The following RGS7 variants were observed in gnomAD, a reference collection of about 807,000 sequenced individuals.
RGS7 encodes regulator of G-protein signaling 7.
Under a neutral mutation model 81.1 loss-of-function variants are expected in RGS7, and 27 were observed. The ratio of observed to expected loss-of-function variants is 0.33; its 90% CI spans 0.25 to 0.46. RGS7 has a LOEUF of 0.46. Among genes scored for constraint, RGS7 ranks in the 20% least tolerant of loss-of-function variants. The probability of loss-of-function intolerance (pLI) is 1.00; values close to 1 mark genes in which losing one functional copy is unlikely to be tolerated. For missense variants in RGS7, 396 were observed against 607.4 expected, an observed-to-expected ratio of 0.65 and a Z score of 3.66; for synonymous variants, 208 against 207.7, an observed-to-expected ratio of 1.00 and a Z score of -0.01.
chr1:240,937,333 C>T lies in RGS7; in HGVS notation c.227-627G>A, dbSNP rs527288492. ...CTGAGAAATCCTTTGTTTGAGTGCT[C>T]GTTTTCCTTGCGACTCCCAGCTCTT... On this transcript the variant is annotated intron_variant, in intron 4 of 18. Transcript: ENST00000440928. Among the ~76,000 whole-genome samples, 177 of 152,290 alleles carry T rather than the reference C, an allele frequency of 1.2e-3. 1 individual carries two copies. The highest frequency in any genetic ancestry group is 4.1e-3 in the African/African-American group (171 of 41,572).
chr1:241,162,970 T>C (rs1373385474), intron 2 of RGS7, among the ~76,000 whole-genome samples: 4 of 152,280 alleles, frequency 2.6e-5, no homozygotes, highest in African/African-American at 7.2e-5. Flanking sequence ...AGTTGGCACA[T>C]TGGAAATGAC....
intron 2 of RGS7, among the ~76,000 whole-genome samples, chr1:241,148,674 G>C (rs921171236): frequency 6.6e-6 from 1 of 152,182 alleles, no homozygotes; most frequent in Non-Finnish European, 1.5e-5. Flanking sequence ...AATAGACAAG[G>C]CTGGTGGTTG....
intron 18 of RGS7, among the ~76,000 whole-genome samples, chr1:240,796,071 G>A (rs1687017309): frequency 6.6e-6 from 1 of 152,144 alleles, no homozygotes; most frequent in South Asian, 2.1e-4. Context: ...ACAGGCATGA[G>A]CCACTGCACC....
At chr1:241,060,830 C>T (rs1372961930) in intron 3 of RGS7, among the ~76,000 whole-genome samples, 2 of 152,096 alleles carry the variant, frequency 1.3e-5, no homozygotes, top group African/African-American at 2.4e-5. Flanking sequence ...CAAAGCTTAG[C>T]GTTACAAGAA....
chr1:241,193,046 CAT>C (rs987911381), intron 2 of RGS7, among the ~76,000 whole-genome samples: 3 of 152,044 alleles, frequency 2.0e-5, no homozygotes, highest in African/African-American at 7.2e-5. Context: ...TGAAGAATGA[CAT>C]AGAATGGGCC....
At chr1:241,184,336 T>C (rs1233565483) in intron 2 of RGS7, among the ~76,000 whole-genome samples, 1 of 152,198 alleles carries the variant, frequency 6.6e-6, no homozygotes, top group South Asian at 2.1e-4. Context: ...ATTCATCTAT[T>C]CATCATTTAA....
intron 6 of RGS7, among the ~76,000 whole-genome samples, chr1:240,912,462 G>A (rs1212597516): frequency 1.3e-5 from 2 of 152,160 alleles, no homozygotes; most frequent in African/African-American, 4.8e-5. Context: ...GGTTGGGAAA[G>A]AGGTCAGTAA....
chr1:241,355,872 CCT>C, intron 1 of RGS7, 46 bp from the exon 2 acceptor site: 1 of 981,690 alleles, frequency 1.0e-6, no homozygotes, highest in Non-Finnish European at 1.6e-6. Context: ...GTGGGACTCC[CCT>C]GATTCATCAT....
At chr1:241,300,642 C>G (rs776361208) in intron 2 of RGS7, among the ~76,000 whole-genome samples, 1 of 152,134 alleles carries the variant, frequency 6.6e-6, no homozygotes, top group Non-Finnish European at 1.5e-5. Flanking sequence ...CTGGAGGTAC[C>G]ACAGTTTATC....
rs182729818 is a variant in RGS7, at chr1:241,115,951, C to T, written c.79-17189G>A. Among the ~76,000 whole-genome samples, 31 of 152,126 alleles carry T rather than the reference C, an allele frequency of 2.0e-4. No individual in the cohort carries two copies. In the East Asian group the frequency reaches 4.3e-3, roughly 21 times the overall value. ...GTTCTTATGTTAATGAGTGAGTTGT[C>T]GCAATATCTCATGGATTAAAAGTGT... On this transcript the variant is annotated intron_variant, in intron 2 of 18. Transcript: ENST00000440928.
At chr1:241,324,345 A>AC (rs1451475540) in intron 2 of RGS7, among the ~76,000 whole-genome samples, 5 of 151,252 alleles carry the variant, frequency 3.3e-5, no homozygotes, top group South Asian at 4.2e-4. Context: ...AAAAAAACAA[A>AC]AAAAAAAGCA....
intron 4 of RGS7, among the ~76,000 whole-genome samples, chr1:240,982,253 C>G (rs886887405): frequency 3.3e-5 from 5 of 151,794 alleles, no homozygotes; most frequent in African/African-American, 1.2e-4. Context: ...AACCCCGACT[C>G]TACTAAAAAT....
chr1:240,830,696 A>C (rs1478517770), intron 9 of RGS7, among the ~76,000 whole-genome samples: 1 of 152,098 alleles, frequency 6.6e-6, no homozygotes, highest in African/African-American at 2.4e-5. Context: ...AAGAAACTGT[A>C]TTTTCTTTAT....
chr1:240,939,953 A>G (rs1677295878), intron 4 of RGS7, among the ~76,000 whole-genome samples: 1 of 152,108 alleles, frequency 6.6e-6, no homozygotes, highest in Non-Finnish European at 1.5e-5. Context: ...GGTGGCAGGC[A>G]TCTGTAATCC....
chr1:240,814,673 A>C (rs372368091), intron 12 of RGS7, 43 bp downstream of exon 12: 1 of 1,181,116 alleles, frequency 8.5e-7, no homozygotes, highest in Non-Finnish European at 1.3e-6. Context: ...TGTAATTGTC[A>C]TATGAAATTT....
rs532375705 is a variant in RGS7, at chr1:241,100,237, C to T, written c.79-1475G>A. Among the ~76,000 whole-genome samples the T allele has an allele frequency of 2.4e-3, 360 of 151,666 alleles. 5 individuals carry two copies. The highest frequency in any genetic ancestry group is 7.9e-3 in the African/African-American group (328 of 41,362). On this transcript the variant is annotated intron_variant, in intron 2 of 18. Transcript: ENST00000440928. ...AAAAATACAAAAAATTAGCCGGGCG[C>T]GGTGGCAGGCGCCTGTAGTCCCAGG... is the stretch of plus-strand genomic sequence containing the variant.
intron 3 of RGS7, among the ~76,000 whole-genome samples, chr1:241,074,367 T>C (rs79470160): frequency 0.054 from 8,251 of 152,150 alleles, 299 homozygotes; most frequent in African/African-American, 0.1. Context: ...CCTTGAAAAT[T>C]GGTGAGGATT....
chr1:240,796,007 G>A (rs939593092), intron 18 of RGS7, among the ~76,000 whole-genome samples: 1 of 151,956 alleles, frequency 6.6e-6, no homozygotes, highest in African/African-American at 2.4e-5. Context: ...GGTGGTTCTT[G>A]AACTCTTGGC....
At chr1:241,320,026 G>T in intron 2 of RGS7, among the ~76,000 whole-genome samples, 1 of 152,280 alleles carries the variant, frequency 6.6e-6, no homozygotes, top group African/African-American at 2.4e-5. Context: ...GGGAGGCGGA[G>T]GTTGCAGTGA....
Sources: gnomAD v4.1 joint callset for allele counts (sites outside exome capture counted in the v4.1 genomes callset) on GRCh38, gnomAD v4.1.1 for gene constraint, MANE v1.5 for transcripts, NCBI Gene and HGNC (gene_info 2026-07-23, HGNC 2026-07-21) for gene names.